The following C1RL variants were observed in gnomAD, a reference collection of about 807,000 sequenced individuals.
C1RL encodes the protein complement C1r subcomponent like.
A neutral mutation model predicts 27.9 loss-of-function variants in C1RL; 27 were observed. The observed-to-expected ratio is 0.97, with a 90% CI of 0.71 to 1.33. The LOEUF is 1.33. C1RL is among the 40% of genes most tolerant of loss of function. The pLI, the probability that C1RL is intolerant of heterozygous loss-of-function variation, is 0.00. For missense variants in C1RL, 563 were observed against 623.9 expected, an observed-to-expected ratio of 0.90 and a Z score of 1.04; for synonymous variants, 248 against 252.1, an observed-to-expected ratio of 0.98 and a Z score of 0.15.
intron 5 of C1RL, 148 bp downstream of exon 5, chr12:7,099,538 T>C (rs1938550586): frequency 7.1e-7 from 1 of 1,406,166 alleles, no homozygotes; most frequent in South Asian, 1.5e-5. Flanking sequence ...TGTTCTTTTC[T>C]GGGCCTTCTT....
rs776938030 is a variant in C1RL, at chr12:7,108,371, C to T, written c.180G>A (p.Pro60=). The T allele has an allele frequency of 8.4e-5, 135 of 1,614,114 alleles. No individual in the cohort carries two copies. The highest frequency in any genetic ancestry group is 1.1e-4 in the Non-Finnish European group (124 of 1,180,032). The change falls in exon 2 of 6, where the codon CCG becomes CCA. Residue 60 remains proline, a synonymous_variant. Coordinates refer to ENST00000266542, the MANE Select transcript of C1RL (RefSeq NM_016546.4). ...QQLTSPGYPE[P]YGKGQESSTD... is the part of the protein sequence containing the mutation. ...TGCTGCTCTCTTGGCCTTTGCCATA[C>T]GGCTCTGGGTACCCGGGGGATGTCA... is the stretch of plus-strand genomic sequence containing the variant.
At position 7,101,865 on chromosome 12, in the gene C1RL, C is replaced by T. The variant is rs374570501; in HGVS notation, c.490+33G>A. ...CCAGGGTCATGGCTGGGAACAGAGG[C>T]TCCCTCCCTGCACCCCCAGGAGGGA... On this transcript the variant is annotated intron_variant, in intron 3 of 5. Coordinates refer to ENST00000266542, the MANE Select transcript of C1RL (RefSeq NM_016546.4). The T allele has an allele frequency of 7.2e-4, 1,144 of 1,596,294 alleles. 6 individuals are homozygous for T. The highest frequency in any genetic ancestry group is 4.2e-3 in the African/African-American group (317 of 74,690).
At chr12:7,108,853 T>TC in intron 1 of C1RL, 1 of 549,530 alleles carries the variant, frequency 1.8e-6, no homozygotes, top group East Asian at 3.3e-5. Flanking sequence ...GCCGTAAATA[T>TC]CCCCCGACCA....
Position 7,094,582 on chromosome 12 carries a change from G to T in C1RL, c.*1809C>A. On this transcript the variant is annotated 3_prime_UTR_variant, in exon 6 of 6. Transcript: ENST00000266542. Reference sequence around the variant, plus strand: ...AGGTATATATATATTTTTTTGCCTTGGCAGGGAGAAACTCATATCATTTTT... The same window carrying T: ...AGGTATATATATATTTTTTTGCCTTTGCAGGGAGAAACTCATATCATTTTT... 1 of 891,034 alleles carries T rather than the reference G, an allele frequency of 1.1e-6. No homozygotes were observed. The highest frequency in any genetic ancestry group is 1.3e-6 in the Non-Finnish European group (1 of 744,578). 55.2% of individuals were successfully genotyped at this position (891,034 alleles called of 1,614,324 possible).
intron 5 of C1RL, among the ~76,000 whole-genome samples, chr12:7,097,873 G>T (rs1394949983): frequency 2.6e-5 from 4 of 152,144 alleles, no homozygotes; most frequent in Non-Finnish European, 4.4e-5. Flanking sequence ...TTCCTCATTT[G>T]TAACATCTCC....
In C1RL at chr12:7,100,043, C is replaced by T. The variant is rs1362170020; in HGVS notation, c.491-17G>A. 6.2e-7 allele frequency: 1 copy of T among 1,601,356 alleles called. No individual in the cohort carries two copies. The highest frequency in any genetic ancestry group is 1.7e-5 in the Admixed American group (1 of 58,828). On this transcript the variant is annotated splice_polypyrimidine_tract_variant and intron_variant, in intron 3 of 5. Coordinates refer to ENST00000266542, the MANE Select transcript of C1RL (RefSeq NM_016546.4). ...AGTTCACAGCTATAGGAAAACAGCACCTAGCACAGACTTGCCAACTGGCAA... is the reference window on the plus strand; with the variant it reads ...AGTTCACAGCTATAGGAAAACAGCATCTAGCACAGACTTGCCAACTGGCAA...
In C1RL at chr12:7,109,094, C is replaced by T. The variant is rs1184104709; in HGVS notation, c.71+16G>A. 6.3e-7 allele frequency: 1 copy of T among 1,579,072 alleles called. No individual in the cohort carries two copies. Among genetic ancestry groups the T allele is most frequent in the Non-Finnish European group, 8.6e-7 (1 of 1,159,516 alleles). ...TCCCGTCCTCTTCCCTCCTCCTCTG[C>T]CGGGGCCACACTCACATTGCGCCTG... On this transcript the variant is annotated intron_variant, in intron 1 of 5. Coordinates refer to ENST00000266542, the MANE Select transcript of C1RL (RefSeq NM_016546.4).
At position 7,099,769 on chromosome 12, in the gene C1RL, T is replaced by C. The variant is rs1938559297; in HGVS notation, c.617-9A>G. The C allele has an allele frequency of 6.3e-7, 1 of 1,594,352 alleles. No homozygotes were observed. Among genetic ancestry groups the C allele is most frequent in the African/African-American group, 1.3e-5 (1 of 74,828 alleles). ...TGCACAGGTGAGTGCCCCTGTGGCG[T>C]AAATGAGGAGAGGCAAAGAAATAGG... is the stretch of plus-strand genomic sequence containing the variant. On this transcript the variant is annotated splice_polypyrimidine_tract_variant and intron_variant, in intron 4 of 5. Coordinates refer to ENST00000266542, the MANE Select transcript of C1RL (RefSeq NM_016546.4).
In C1RL at chr12:7,096,853, A is replaced by G. The variant is rs1192136844; in HGVS notation, c.1002T>C (p.His334=). The G allele has an allele frequency of 6.2e-7, 1 of 1,602,986 alleles. No individual in the cohort carries two copies. Among genetic ancestry groups the G allele is most frequent in the Admixed American group, 1.7e-5 (1 of 59,284 alleles). The change falls in exon 6 of 6, where the codon CAT becomes CAC. Residue 334 remains histidine, a synonymous_variant. Coordinates refer to ENST00000266542, the MANE Select transcript of C1RL (RefSeq NM_016546.4). ...GGAGGGCGATGTCCCCGCTAAAGTT[A>G]TGGGACTCATTCTGACGGTAGTCGG... ...VHPDYRQNES[H]NFSGDIALLE...
Position 7,109,165 on chromosome 12 carries a change from C to T in C1RL, c.16G>A (p.Val6Met), listed in dbSNP as rs757333964. The change falls in exon 1 of 6, where the codon GTG becomes ATG. Residue 6 changes from valine (V) to methionine (M), a missense_variant. Val to Met is a conservative substitution (Grantham distance 21). Transcript: ENST00000266542. ...CTTCTCCAGAGATATTTCCCCCACA[C>T]TCTGGGTCCAGGCATCTGGAACTGG... is the stretch of plus-strand genomic sequence containing the variant. MPGPRVWGKYLWRSPH... is the reference protein window; with the variant it reads MPGPRMWGKYLWRSPH... The T allele has an allele frequency of 1.2e-6, 2 of 1,601,548 alleles. No homozygotes were observed. Among genetic ancestry groups the T allele is most frequent in the Non-Finnish European group, 8.5e-7 (1 of 1,173,644 alleles).
chr12:7,100,826 G>A (rs1234619481), intron 3 of C1RL, among the ~76,000 whole-genome samples: 1 of 151,964 alleles, frequency 6.6e-6, no homozygotes, highest in Non-Finnish European at 1.5e-5. Context: ...AAATAAATGA[G>A]TTAGTGCTGT....
At chr12:7,099,053 A>AAT (rs1555165467) in intron 5 of C1RL, among the ~76,000 whole-genome samples, 6 of 147,128 alleles carry the variant, frequency 4.1e-5, no homozygotes, top group African/African-American at 1.3e-4. Flanking sequence ...AAAAAAAAAA[A>AAT]AAAATAAAAT....
intron 2 of C1RL, 104 bp from the exon 3 acceptor site, chr12:7,102,191 C>T (rs1075425): frequency 0.16 from 190,376 of 1,210,196 alleles, 16,939 homozygotes; most frequent in East Asian, 0.41. Flanking sequence ...CCCATCTAGA[C>T]GGGCCGTGCC....
intron 2 of C1RL, among the ~76,000 whole-genome samples, chr12:7,102,720 A>G (rs750694466): frequency 6.6e-6 from 1 of 152,152 alleles, no homozygotes; most frequent in Non-Finnish European, 1.5e-5. Flanking sequence ...AGCTCTCACA[A>G]TGTATGAAAA....
rs745970248 is a variant in C1RL, at chr12:7,108,111, C to T, written c.300+140G>A. 9.5e-5 allele frequency: 64 copies of T among 673,728 alleles called. 2 individuals carry two copies. In the Middle Eastern group the frequency reaches 2.5e-3, roughly 26 times the overall value. 41.7% of individuals were successfully genotyped at this position (673,728 alleles called of 1,614,324 possible). On this transcript the variant is annotated intron_variant, in intron 2 of 5. Coordinates refer to ENST00000266542, the MANE Select transcript of C1RL (RefSeq NM_016546.4). Reference sequence around the variant, plus strand: ...TGTCCTGGGGTCCACCACTGCTCCCCGGTAAGCCAAGCCCGACTGCCCCTA... The same window carrying T: ...TGTCCTGGGGTCCACCACTGCTCCCTGGTAAGCCAAGCCCGACTGCCCCTA...
In C1RL at chr12:7,104,572, G is replaced by A. The variant is rs117509886; in HGVS notation, c.301-2485C>T. On this transcript the variant is annotated intron_variant, in intron 2 of 5. Transcript: ENST00000266542. This position sits in a 1 kb window ranked among gnomAD's most constrained non-coding sequence, Gnocchi z 5.4. ...GCTAGGCGACCTGGTATGTCTCCAC[G>A]GTCCCAGTGTGAGTGAGTATGAGTG... is the stretch of plus-strand genomic sequence containing the variant. Among the ~76,000 whole-genome samples the A allele has an allele frequency of 5.1e-3, 778 of 152,286 alleles. 5 individuals are homozygous for A. Among genetic ancestry groups the A allele is most frequent in the Middle Eastern group, 0.027 (8 of 294 alleles).
rs1224559873 is a variant in C1RL, at chr12:7,101,981, C to T, written c.407G>A (p.Arg136Gln). The stretch of plus-strand genomic sequence containing the variant: ...GGAAGGCTGTGTGCGGAAGGTCAGC[C>T]GCAAACTCCTCCCTGAGGATACAAA... ...REFVSSGRSL[R>Q]LTFRTQPSSE... Residue 136 changes from arginine (R) to glutamine (Q), a missense_variant, in exon 3 of 6, where the codon CGG becomes CAG. Physicochemically the swap from Arg to Gln is conservative, Grantham distance 43. Coordinates refer to ENST00000266542, the MANE Select transcript of C1RL (RefSeq NM_016546.4). 17 of 1,614,070 alleles carry T rather than the reference C, an allele frequency of 1.1e-5. No individual in the cohort carries two copies. The highest frequency in any genetic ancestry group is 2.2e-5 in the East Asian group (1 of 44,886).
In C1RL at chr12:7,094,700, CA is replaced by C; in HGVS notation, c.*1690del. 1 of 981,422 alleles carries C rather than the reference CA, an allele frequency of 1.0e-6. No homozygotes were observed. Among genetic ancestry groups the C allele is most frequent in the Non-Finnish European group, 1.2e-6 (1 of 826,350 alleles). The allele number at this position is 981,422 out of a possible 1,614,324, so 60.8% of individuals were successfully genotyped here. A position where few individuals can be genotyped will look rare whatever the true frequency, so the allele number is the denominator to read the frequency against. ...AGAGAATAGTGGAAAACCAAACAGC[CA>C]AAATCTTATCAATAAAACCACCTCT... On this transcript the variant is annotated 3_prime_UTR_variant, in exon 6 of 6. Coordinates refer to ENST00000266542, the MANE Select transcript of C1RL (RefSeq NM_016546.4).
intron 2 of C1RL, 119 bp downstream of exon 2, chr12:7,108,132 C>G (rs971804644): frequency 2.3e-5 from 19 of 817,030 alleles, no homozygotes; most frequent in Non-Finnish European, 3.5e-5. Flanking sequence ...GCCCGACTGC[C>G]CCTACATGGA....
Sources: gnomAD v4.1 joint callset for allele counts (sites outside exome capture counted in the v4.1 genomes callset) on GRCh38, gnomAD v4.1.1 for gene constraint, Gnocchi (gnomAD v3.1) non-coding constraint, MANE v1.5 for transcripts, NCBI Gene and HGNC (gene_info 2026-07-23, HGNC 2026-07-21) for gene names.